The following LRRK1 variants were observed in gnomAD, a reference collection of about 807,000 sequenced individuals.
LRRK1 encodes the protein leucine rich repeat kinase 1.
A neutral mutation model predicts 209.1 loss-of-function variants in LRRK1; 113 were observed. The ratio of observed to expected loss-of-function variants is 0.54; its 90% CI spans 0.46 to 0.63. The LOEUF (loss-of-function observed/expected upper bound fraction) is 0.63. Ranked by LOEUF, LRRK1 falls within the 30% of genes least tolerant of loss-of-function variation. The pLI is 0.00. For missense variants in LRRK1, 2,284 were observed against 2,632.2 expected, an observed-to-expected ratio of 0.87 and a Z score of 2.89; for synonymous variants, 1,144 against 1,099.7, an observed-to-expected ratio of 1.04 and a Z score of -0.80.
Position 101,055,174 on chromosome 15 carries a change from CT to C in LRRK1, c.4284del (p.Gly1429AlafsTer17), listed in dbSNP as rs1282624104. ...GGCGCCCTAGGCGTGGAGGGCACTC[CT>C]GGCTACCAGGCCCCAGAGATCAGGC... The part of the protein sequence containing the change: ...HEGALGVEGT[P>X]GYQAPEIRPR... On this transcript the variant is annotated frameshift_variant, in exon 27 of 34. Transcript: ENST00000388948. LOFTEE classifies it high-confidence loss of function. 1 of 1,606,586 alleles carries C rather than the reference CT, an allele frequency of 6.2e-7. No homozygotes were observed. The highest frequency in any genetic ancestry group is 8.5e-7 in the Non-Finnish European group (1 of 1,176,138).
At chr15:100,933,007 C>G (rs1232265797) in intron 2 of LRRK1, among the ~76,000 whole-genome samples, 1 of 152,186 alleles carries the variant, frequency 6.6e-6, no homozygotes, top group African/African-American at 2.4e-5. Flanking sequence ...CTCCATCGGC[C>G]TCCCGCCTCC....
At chr15:100,975,671 A>T (rs1412165684) in intron 3 of LRRK1, among the ~76,000 whole-genome samples, 1 of 152,382 alleles carries the variant, frequency 6.6e-6, no homozygotes, top group East Asian at 1.9e-4. Context: ...TACCATAAAT[A>T]AGAGTCAACG....
At chr15:101,002,950 G>A (rs537558392) in intron 6 of LRRK1, among the ~76,000 whole-genome samples, 2 of 152,160 alleles carry the variant, frequency 1.3e-5, no homozygotes, top group South Asian at 2.1e-4. Context: ...CAGGCTGATC[G>A]TGAGCTCCTG....
intron 2 of LRRK1, among the ~76,000 whole-genome samples, chr15:100,934,696 G>A (rs1032456550): frequency 6.6e-6 from 1 of 151,080 alleles, no homozygotes; most frequent in Admixed American, 6.6e-5. Context: ...CAGCTACTTG[G>A]GGGTGCTGAG....
At chr15:101,037,865 C>T (rs2034558638) in intron 20 of LRRK1, among the ~76,000 whole-genome samples, 1 of 152,204 alleles carries the variant, frequency 6.6e-6, no homozygotes. Flanking sequence ...AATCTCACTA[C>T]TGGCTATCTA....
At chr15:100,950,846 G>A (rs1284012286) in intron 2 of LRRK1, among the ~76,000 whole-genome samples, 2 of 152,250 alleles carry the variant, frequency 1.3e-5, no homozygotes, top group African/African-American at 4.8e-5. Context: ...GCTCGCGCCT[G>A]TCATCCCAGC....
intron 2 of LRRK1, among the ~76,000 whole-genome samples, chr15:100,941,294 GTGTGTCTATGTGTGTGTGTC>G (rs2042402969): frequency 1.1e-4 from 15 of 134,808 alleles, no homozygotes; most frequent in East Asian, 2.1e-4. Context: ...GTGTGTCTGT[GTGTGTCTATGTGTGTGTGTC>G]TGTGTGTGTG....
intron 20 of LRRK1, among the ~76,000 whole-genome samples, chr15:101,041,764 T>C (rs979620881): frequency 6.6e-6 from 1 of 152,224 alleles, no homozygotes; most frequent in Non-Finnish European, 1.5e-5. Context: ...AAAACTGCGA[T>C]AGTATTGAGC....
In LRRK1 at chr15:101,024,720, A is replaced by T; in HGVS notation, c.2068-83A>T. 7.0e-7 allele frequency: 1 copy of T among 1,437,618 alleles called. No homozygotes were observed. The highest frequency in any genetic ancestry group is 9.6e-7 in the Non-Finnish European group (1 of 1,045,122). 89.1% of individuals were successfully genotyped at this position (1,437,618 alleles called of 1,614,324 possible). ...TTTCAGACCCCCGAGTCCAGCCTCC[A>T]GAGTTATCCGTTGTCTCCGTTTGAT... On this transcript the variant is annotated intron_variant, in intron 15 of 33. Transcript: ENST00000388948. This position sits in a 1 kb window ranked among gnomAD's most constrained non-coding sequence, Gnocchi z 4.6.
chr15:101,061,614 C>T (rs2036187805), intron 30 of LRRK1, among the ~76,000 whole-genome samples: 1 of 152,206 alleles, frequency 6.6e-6, no homozygotes, highest in African/African-American at 2.4e-5. Context: ...AGTCACTCAG[C>T]TCTGAAGGCC....
intron 2 of LRRK1, among the ~76,000 whole-genome samples, chr15:100,954,974 T>C (rs1164830789): frequency 2.0e-5 from 3 of 151,992 alleles, no homozygotes; most frequent in African/African-American, 7.3e-5. Context: ...TCAAGATTGC[T>C]TTGGCTAATT....
chr15:100,976,395 A>C (rs939181792), intron 3 of LRRK1, among the ~76,000 whole-genome samples: 2 of 152,262 alleles, frequency 1.3e-5, no homozygotes, highest in Non-Finnish European at 2.9e-5. Context: ...CACATCTGAA[A>C]GATATTCAGA....
chr15:101,051,809 G>A lies in LRRK1; in HGVS notation c.3538G>A (p.Glu1180Lys). ...CTGGGCCCAGCACACGGACCCCAGT[G>A]AGAAATCAGAGGATGTGCAGTACTT... The part of the protein sequence containing the change: ...TAWAQHTDPS[E>K]KSEDVQYFDM... Residue 1180 changes from glutamate to lysine, a missense_variant, in exon 24 of 34, where the codon GAG becomes AAG. Around this residue, in one of 6 missense-constraint regions of LRRK1, gnomAD observed 780 missense variants for 985.2 expected, o/e 0.79. Coordinates refer to ENST00000388948, the MANE Select transcript of LRRK1 (RefSeq NM_024652.6). The A allele has an allele frequency of 1.2e-6, 2 of 1,614,122 alleles. No homozygotes were observed. Among genetic ancestry groups the A allele is most frequent in the Non-Finnish European group, 1.7e-6 (2 of 1,180,018 alleles).
intron 2 of LRRK1, among the ~76,000 whole-genome samples, chr15:100,972,917 T>TACACACACAC (rs10629976): frequency 0.049 from 6,035 of 123,896 alleles, 223 homozygotes; most frequent in African/African-American, 0.093. Context: ...CGAAAAACTG[T>TACACACACAC]ACACACACAC....
intron 3 of LRRK1, among the ~76,000 whole-genome samples, chr15:100,979,453 A>G (rs1567212586): frequency 6.6e-6 from 1 of 152,210 alleles, no homozygotes; most frequent in South Asian, 2.1e-4. Context: ...GCAAGAAGGC[A>G]AGGAAATGAA....
Position 101,065,735 on chromosome 15 carries a change from C to T in LRRK1, c.5298C>T (p.Ser1766=), listed in dbSNP as rs776065857. 1.9e-6 allele frequency: 3 copies of T among 1,614,142 alleles called. No homozygotes were observed. Among genetic ancestry groups the T allele is most frequent in the Non-Finnish European group, 2.5e-6 (3 of 1,180,016 alleles). ...CCAACTCCTTGGTGATGTACCACTC[C>T]ACCACCTACCAGCTGTGTGCCCGGT... The part of the protein sequence containing the change: ...DKANSLVMYH[S]TTYQLCARYF... Residue 1766 remains serine (S), a synonymous_variant, in exon 32 of 34, where the codon TCC becomes TCT. Transcript: ENST00000388948.
At chr15:101,028,927 C>T (rs751609300) in intron 19 of LRRK1, 29 bp from the exon 20 acceptor site, 1 of 1,608,874 alleles carries the variant, frequency 6.2e-7, no homozygotes, top group Non-Finnish European at 8.5e-7. Flanking sequence ...TGTCTAACTG[C>T]TGCTTCCTCC....
intron 4 of LRRK1, among the ~76,000 whole-genome samples, chr15:100,987,833 G>A (rs758734234): frequency 6.6e-6 from 1 of 152,154 alleles, no homozygotes; most frequent in Non-Finnish European, 1.5e-5. Context: ...TGTCTCCAAA[G>A]TTCATACTCC....
intron 3 of LRRK1, among the ~76,000 whole-genome samples, chr15:100,975,060 CAGAAGGAAGGCATTTA>C (rs368733975): frequency 5.9e-5 from 9 of 152,286 alleles, no homozygotes; most frequent in African/African-American, 2.2e-4. Context: ...AATTGTTAAG[CAGAAGGAAGGCATTTA>C]AGATCCCTCT....
Sources: gnomAD v4.1 joint callset for allele counts (sites outside exome capture counted in the v4.1 genomes callset) on GRCh38, gnomAD v4.1.1 for gene constraint, gnomAD v4.1.1 regional missense constraint, Gnocchi (gnomAD v3.1) non-coding constraint, MANE v1.5 for transcripts, NCBI Gene and HGNC (gene_info 2026-07-23, HGNC 2026-07-21) for gene names.